DACH2: variants seen among roughly 807,000 people sequenced by gnomAD.
DACH2 encodes dachshund family transcription factor 2.
DACH2 carries 17 observed loss-of-function variants against 35.8 expected under a neutral mutation model. That is an observed-to-expected ratio of 0.48 (90% confidence interval 0.33 to 0.71). DACH2 has a LOEUF of 0.71. Ranked by LOEUF, DACH2 falls within the 30% of genes least tolerant of loss-of-function variation. The pLI is 0.02. For synonymous variants in DACH2, 195 were observed against 177.3 expected (o/e 1.10, Z -0.79); for missense variants, 469 against 472.7 (o/e 0.99, Z 0.07).
chrX:86,730,723 A>G (rs1297355975), intron 6 of DACH2, among the ~76,000 whole-genome samples: 2 of 111,970 alleles, frequency 1.8e-5, no homozygotes, highest in Non-Finnish European at 3.8e-5. Flanking sequence ...AAATGAACCC[A>G]TATTTATTCT....
At chrX:86,618,290 C>A (rs747154662) in intron 3 of DACH2, among the ~76,000 whole-genome samples, 36 of 111,729 alleles carry the variant, frequency 3.2e-4, no homozygotes, top group African/African-American at 1.1e-3. Flanking sequence ...TATCATATTG[C>A]CAGATATAGT....
At chrX:86,498,718 T>C (rs2038207871) in intron 2 of DACH2, among the ~76,000 whole-genome samples, 1 of 112,421 alleles carries the variant, frequency 8.9e-6, no homozygotes, top group African/African-American at 3.2e-5. Context: ...TTGCCATAAA[T>C]TTTAATGAAA....
At chrX:86,826,019 G>A (rs2042559674) in intron 11 of DACH2, among the ~76,000 whole-genome samples, 1 of 111,573 alleles carries the variant, frequency 9.0e-6, no homozygotes, top group South Asian at 3.7e-4. Context: ...CATTATTACT[G>A]TGCCCTATAA....
intron 4 of DACH2, among the ~76,000 whole-genome samples, chrX:86,669,250 G>A (rs1025199460): frequency 4.5e-5 from 5 of 110,361 alleles, no homozygotes; most frequent in Admixed American, 1.9e-4. Flanking sequence ...ATTGCCCATT[G>A]ATAATAGTAA....
chrX:86,294,227 G>T lies in DACH2; in HGVS notation c.489-82597G>T, dbSNP rs189090099. On this transcript the variant is annotated intron_variant, in intron 1 of 11. Coordinates refer to ENST00000373125, the MANE Select transcript of DACH2 (RefSeq NM_053281.3). ...CCAGTTGATTGCATCGGCTCCTGAG[G>T]CTTCTGCATTCTTCACGTAGTTCTC... Among the ~76,000 whole-genome samples the T allele has an allele frequency of 8.9e-3, 990 of 111,453 alleles. 8 individuals are homozygous for T. The highest frequency in any genetic ancestry group is 0.027 in the African/African-American group (838 of 30,574).
intron 2 of DACH2, among the ~76,000 whole-genome samples, chrX:86,506,457 G>A (rs780535020): frequency 1.7e-4 from 19 of 111,812 alleles, no homozygotes; most frequent in Non-Finnish European, 3.2e-4. Flanking sequence ...GCAGTGGCAC[G>A]ATCATAGCTC....
intron 1 of DACH2, among the ~76,000 whole-genome samples, chrX:86,226,732 G>A (rs2032832176): frequency 9.0e-6 from 1 of 111,429 alleles, no homozygotes; most frequent in Admixed American, 9.5e-5. Flanking sequence ...GAAAAGCCAA[G>A]TATTCCAAAT....
intron 2 of DACH2, among the ~76,000 whole-genome samples, chrX:86,408,151 T>G (rs1266616556): frequency 9.0e-6 from 1 of 111,692 alleles, no homozygotes; most frequent in Non-Finnish European, 1.9e-5. Flanking sequence ...AGATTCTCAG[T>G]TGCACCCATT....
At chrX:86,546,522 T>TTTA (rs1211005416) in intron 3 of DACH2, among the ~76,000 whole-genome samples, 2 of 89,174 alleles carry the variant, frequency 2.2e-5, no homozygotes, top group African/African-American at 4.5e-5. Flanking sequence ...TTTTTTTTTT[T>TTTA]AAGACAGAGT....
At chrX:86,781,544 G>A (rs2042089533) in intron 7 of DACH2, among the ~76,000 whole-genome samples, 1 of 110,984 alleles carries the variant, frequency 9.0e-6, no homozygotes, top group Non-Finnish European at 1.9e-5. Context: ...AGCATTTGGG[G>A]GTCTAATCAT....
At chrX:86,230,900 T>G (rs2032934875) in intron 1 of DACH2, among the ~76,000 whole-genome samples, 1 of 112,311 alleles carries the variant, frequency 8.9e-6, no homozygotes, top group African/African-American at 3.2e-5. Context: ...ATCTTGCAAA[T>G]GATATATCAA....
intron 1 of DACH2, among the ~76,000 whole-genome samples, chrX:86,244,381 A>G (rs763376693): frequency 4.6e-4 from 52 of 112,270 alleles, no homozygotes; most frequent in Non-Finnish European, 8.1e-4. Context: ...TGCAAGGAAA[A>G]TTATTTTATT....
chrX:86,263,722 G>A (rs763238431), intron 1 of DACH2, among the ~76,000 whole-genome samples: 4 of 111,463 alleles, frequency 3.6e-5, no homozygotes, highest in Non-Finnish European at 7.5e-5. Flanking sequence ...TGTCTGTGCT[G>A]TTCTTCTCTG....
At chrX:86,772,494 T>G (rs1002833234) in intron 7 of DACH2, among the ~76,000 whole-genome samples, 2 of 111,635 alleles carry the variant, frequency 1.8e-5, no homozygotes, top group Non-Finnish European at 3.8e-5. Context: ...CCATGAAAAC[T>G]TAGAGATTGT....
chrX:86,419,181 C>A (rs1602499069), intron 2 of DACH2, among the ~76,000 whole-genome samples: 6 of 112,103 alleles, frequency 5.4e-5, no homozygotes, highest in African/African-American at 1.9e-4. Flanking sequence ...GCCCTCCAAA[C>A]TGTCCCCACC....
At chrX:86,583,776 T>C (rs1403527901) in intron 3 of DACH2, among the ~76,000 whole-genome samples, 1 of 110,154 alleles carries the variant, frequency 9.1e-6, no homozygotes, top group Non-Finnish European at 1.9e-5. Flanking sequence ...TCATAGTGTG[T>C]GTGTGAGTGT....
At chrX:86,634,755 A>T (rs1448084819) in intron 3 of DACH2, among the ~76,000 whole-genome samples, 2 of 111,986 alleles carry the variant, frequency 1.8e-5, no homozygotes, top group African/African-American at 6.5e-5. Context: ...CTGTAAAAGA[A>T]AACTACAAAA....
intron 3 of DACH2, among the ~76,000 whole-genome samples, chrX:86,556,756 GTATATAT>G (rs2039125896): frequency 3.9e-5 from 1 of 25,467 alleles, no homozygotes; most frequent in Non-Finnish European, 6.6e-5. Flanking sequence ...AATAGGATAT[GTATATAT>G]ATATATATAT....
chrX:86,459,267 T>C (rs2037527370), intron 2 of DACH2, among the ~76,000 whole-genome samples: 1 of 111,637 alleles, frequency 9.0e-6, no homozygotes, highest in Non-Finnish European at 1.9e-5. Context: ...TTGGGACAGA[T>C]ATTTATAGAA....
Sources: allele counts gnomAD v4.1 joint callset (sites outside exome capture counted in the v4.1 genomes callset), GRCh38; gene constraint gnomAD v4.1.1; transcripts MANE v1.5; gene names NCBI Gene and HGNC (gene_info 2026-07-23, HGNC 2026-07-21).